DACH2: variants seen among roughly 807,000 people sequenced by gnomAD.
The protein encoded by DACH2 is dachshund family transcription factor 2.
In DACH2, 17 loss-of-function variants were observed where a neutral mutation model predicts 35.8. The observed-to-expected ratio is 0.48, with a 90% CI of 0.33 to 0.71. The LOEUF (loss-of-function observed/expected upper bound fraction) is 0.71. DACH2 is among the 30% of genes least tolerant of loss of function. The pLI is 0.02. For synonymous variants in DACH2, 195 were observed against 177.3 expected (o/e 1.10, Z -0.79); for missense variants, 469 against 472.7 (o/e 0.99, Z 0.07).
intron 2 of DACH2, among the ~76,000 whole-genome samples, chrX:86,489,159 T>C (rs1214320240): frequency 9.0e-6 from 1 of 111,553 alleles, no homozygotes; most frequent in African/African-American, 3.2e-5. Context: ...TTCATAAATT[T>C]ATATCTTAAT....
At chrX:86,474,335 C>T (rs1439227657) in intron 2 of DACH2, among the ~76,000 whole-genome samples, 2 of 111,145 alleles carry the variant, frequency 1.8e-5, no homozygotes, top group Non-Finnish European at 3.8e-5. Context: ...TTGATTGTTT[C>T]CTTTGCTGTG....
In DACH2 at chrX:86,281,331, C is replaced by T. The variant is rs2034023984; in HGVS notation, c.489-95493C>T. 2.7e-5 allele frequency among the ~76,000 whole-genome samples: 3 copies of T among 111,286 alleles called. No individual in the cohort carries two copies. In the South Asian group the frequency reaches 1.2e-3, roughly 43 times the overall value. On this transcript the variant is annotated intron_variant, in intron 1 of 11. Coordinates refer to ENST00000373125, the MANE Select transcript of DACH2 (RefSeq NM_053281.3). The stretch of plus-strand genomic sequence containing the variant: ...TCAAGTTGGCGTCATCCCTCGGATG[C>T]AAGGCTGGTTAAACATACACAAATT...
chrX:86,300,853 C>T (rs868231469), intron 1 of DACH2, among the ~76,000 whole-genome samples: 5 of 111,870 alleles, frequency 4.5e-5, no homozygotes, highest in African/African-American at 1.6e-4. Context: ...TTTCTGTGCT[C>T]ATTCAGCTTC....
At chrX:86,292,212 T>G (rs1341146900) in intron 1 of DACH2, among the ~76,000 whole-genome samples, 58 of 91,468 alleles carry the variant, frequency 6.3e-4, no homozygotes, top group African/African-American at 2.4e-3. Context: ...TTTATTTGCG[T>G]AGAGGTGTTT....
At chrX:86,500,105 A>G (rs12006660) in intron 2 of DACH2, among the ~76,000 whole-genome samples, 49,382 of 110,042 alleles carry the variant, frequency 0.45, 9,281 homozygotes, top group African/African-American at 0.71. Context: ...TTTTATTTCA[A>G]TTGAGTCTTG....
chrX:86,570,341 T>C (rs1403229258), intron 3 of DACH2, among the ~76,000 whole-genome samples: 1 of 111,359 alleles, frequency 9.0e-6, no homozygotes, highest in Non-Finnish European at 1.9e-5. Flanking sequence ...TCAACCCAAA[T>C]ACCCATTAAT....
intron 3 of DACH2, among the ~76,000 whole-genome samples, chrX:86,547,455 G>C (rs2038990613): frequency 9.9e-6 from 1 of 100,731 alleles, no homozygotes; most frequent in Admixed American, 1.1e-4. Flanking sequence ...CATTGGATTT[G>C]TTATCTTGCA....
intron 1 of DACH2, among the ~76,000 whole-genome samples, chrX:86,225,118 C>T (rs1017103672): frequency 3.7e-5 from 4 of 107,859 alleles, no homozygotes; most frequent in Admixed American, 2.0e-4. Context: ...AAAATGAGAG[C>T]TAGTTTGTAT....
At chrX:86,759,560 GTTTT>G (rs373909049) in intron 7 of DACH2, among the ~76,000 whole-genome samples, 1 of 92,593 alleles carries the variant, frequency 1.1e-5, no homozygotes, top group African/African-American at 4.0e-5. Flanking sequence ...GTTGTTGTTT[GTTTT>G]TTTTTTTTTT....
Position 86,739,768 on chromosome X carries a change from TCTC to T in DACH2, c.1129_1131del (p.Pro377del). ...TCAGGAGCGGATCCCAGAGAGTCCT[TCTC>T]CTGCTCCTTCTCTAGAAGAGAATCA... On this transcript the variant is annotated inframe_deletion, in exon 7 of 12. Transcript: ENST00000373125. 1.7e-6 allele frequency: 2 copies of T among 1,179,603 alleles called. No individual in the cohort carries two copies. Among genetic ancestry groups the T allele is most frequent in the Non-Finnish European group, 2.3e-6 (2 of 878,931 alleles).
chrX:86,177,941 G>A (rs2031358287), intron 1 of DACH2, among the ~76,000 whole-genome samples: 1 of 111,024 alleles, frequency 9.0e-6, no homozygotes, highest in Non-Finnish European at 1.9e-5. Flanking sequence ...GACTGTTTGA[G>A]GCACTATGAC....
intron 3 of DACH2, among the ~76,000 whole-genome samples, chrX:86,540,633 G>C (rs2038867041): frequency 8.9e-6 from 1 of 112,042 alleles, no homozygotes; most frequent in Non-Finnish European, 1.9e-5. Flanking sequence ...TCTTCAGTTG[G>C]AGCACAGGAA....
At chrX:86,743,663 T>A (rs2041680651) in intron 7 of DACH2, among the ~76,000 whole-genome samples, 1 of 111,541 alleles carries the variant, frequency 9.0e-6, no homozygotes, top group African/African-American at 3.3e-5. Flanking sequence ...GAATTTGAAA[T>A]AATATATGAT....
chrX:86,673,816 G>A (rs1205809086), intron 4 of DACH2, among the ~76,000 whole-genome samples: 1 of 111,059 alleles, frequency 9.0e-6, no homozygotes, highest in Non-Finnish European at 1.9e-5. Flanking sequence ...GATAGGGAGT[G>A]AGTTATCAAG....
At position 86,274,722 on chromosome X, in the gene DACH2, T is replaced by C. The variant is rs1021313438; in HGVS notation, c.489-102102T>C. 2.8e-5 allele frequency among the ~76,000 whole-genome samples: 3 copies of C among 108,899 alleles called. No individual in the cohort carries two copies. The Admixed American group carries it at 3.0e-4, about 11-fold the overall frequency. 94.6% of individuals were successfully genotyped at this position (108,899 alleles called of 115,157 possible). ...ACCGTGTTAGCCAGGATGGTCTCGATCTGCTGACCTCGTGATCTGCCCACC... is the reference window on the plus strand; with the variant it reads ...ACCGTGTTAGCCAGGATGGTCTCGACCTGCTGACCTCGTGATCTGCCCACC... On this transcript the variant is annotated intron_variant, in intron 1 of 11. Coordinates refer to ENST00000373125, the MANE Select transcript of DACH2 (RefSeq NM_053281.3).
intron 4 of DACH2, among the ~76,000 whole-genome samples, chrX:86,655,529 G>T (rs779783665): frequency 8.9e-6 from 1 of 111,930 alleles, no homozygotes; most frequent in African/African-American, 3.2e-5. Flanking sequence ...AAGCAGTGTG[G>T]CTAGTGACTA....
intron 7 of DACH2, among the ~76,000 whole-genome samples, chrX:86,787,984 C>T (rs1209518992): frequency 1.8e-5 from 2 of 111,225 alleles, no homozygotes; most frequent in Non-Finnish European, 3.8e-5. Context: ...GAGTGCACTA[C>T]TTGACCTTTT....
At chrX:86,569,233 G>T (rs982164573) in intron 3 of DACH2, among the ~76,000 whole-genome samples, 1 of 110,905 alleles carries the variant, frequency 9.0e-6, no homozygotes, top group African/African-American at 3.3e-5. Flanking sequence ...GTTAAGTCAG[G>T]TAATGCTCAT....
intron 3 of DACH2, among the ~76,000 whole-genome samples, chrX:86,604,876 C>T (rs893294760): frequency 1.8e-5 from 2 of 111,557 alleles, no homozygotes; most frequent in Admixed American, 1.9e-4. Flanking sequence ...GTTATTGGTT[C>T]TGAGATGTAG....
Sources: allele counts gnomAD v4.1 joint callset (sites outside exome capture counted in the v4.1 genomes callset), GRCh38; gene constraint gnomAD v4.1.1; transcripts MANE v1.5; gene names NCBI Gene and HGNC (gene_info 2026-07-23, HGNC 2026-07-21).